The following MACROH2A1 variants were observed in gnomAD, a reference collection of about 807,000 sequenced individuals.
MACROH2A1 encodes the protein macroH2A.1 histone.
In MACROH2A1, 2 loss-of-function variants were observed where a neutral mutation model predicts 31.6. The ratio of observed to expected loss-of-function variants is 0.06; its 90% CI spans 0.03 to 0.20. The LOEUF (loss-of-function observed/expected upper bound fraction) is 0.20. Among genes scored for constraint, MACROH2A1 ranks in the 10% least tolerant of loss-of-function variants. MACROH2A1 has a pLI of 1.00. For missense variants in MACROH2A1, 230 were observed against 474.0 expected (o/e 0.49, Z 4.78); for synonymous variants, 169 against 189.6 (o/e 0.89, Z 0.89).
rs546120797 is a variant in MACROH2A1 at position 135,380,707 on chromosome 5, T to C, written c.172+8215A>G. 2.0e-5 allele frequency among the ~76,000 whole-genome samples: 3 copies of C among 152,312 alleles called. No homozygotes were observed. The East Asian group carries it at 5.8e-4, about 29-fold the overall frequency. ...CCCAAGATCTTGGCCCAAATATAAA[T>C]AAGACAGCCTCTGCATACTACATGT... is the stretch of plus-strand genomic sequence containing the variant. On this transcript the variant is annotated intron_variant, in intron 2 of 8. Transcript: ENST00000511689.
chr5:135,354,659 A>G (rs1761957913), intron 5 of MACROH2A1: 1 of 214,822 alleles, frequency 4.7e-6, no homozygotes, highest in Non-Finnish European at 9.4e-6. Flanking sequence ...AAGAGACAGC[A>G]TGGGGGCTGG....
intron 7 of MACROH2A1, chr5:135,344,235 G>A (rs1299068602): frequency 2.0e-5 from 3 of 152,250 alleles, no homozygotes; most frequent in African/African-American, 7.2e-5. Context: ...CCTGTCCACA[G>A]ATGCTCTGCA....
intron 1 of MACROH2A1, among the ~76,000 whole-genome samples, chr5:135,393,734 C>T (rs1372993804): frequency 2.6e-5 from 4 of 152,198 alleles, no homozygotes; most frequent in Non-Finnish European, 5.9e-5. Context: ...CATCATTGCA[C>T]ATTAGCTTGA....
At chr5:135,357,847 T>C in intron 5 of MACROH2A1, 1 of 985,232 alleles carries the variant, frequency 1.0e-6, no homozygotes, top group South Asian at 4.7e-5. Context: ...ATCATTAACA[T>C]CAATGGTCAG....
At position 135,389,114 on chromosome 5, in the gene MACROH2A1, A is replaced by G. The variant is rs749939179; in HGVS notation, c.-21T>C. The G allele has an allele frequency of 2.5e-6, 4 of 1,608,946 alleles. No individual in the cohort carries two copies. Among genetic ancestry groups the G allele is most frequent in the African/African-American group, 2.7e-5 (2 of 74,992 alleles). ...GACATGGCGGTGGCCCTGGAGGCGG[A>G]TCAGTGAGCACACTGTGAAGGCGAG... On this transcript the variant is annotated 5_prime_UTR_variant, in exon 2 of 9. Coordinates refer to ENST00000511689, the MANE Select transcript of MACROH2A1 (RefSeq NM_138610.3).
chr5:135,345,308 G>A (rs1162420371), intron 7 of MACROH2A1: 3 of 152,188 alleles, frequency 2.0e-5, no homozygotes, highest in Non-Finnish European at 4.4e-5. Context: ...GAATCGGGTA[G>A]TAAGAAGAGA....
intron 5 of MACROH2A1, chr5:135,357,643 G>T (rs1423048617): frequency 8.0e-6 from 5 of 626,106 alleles, no homozygotes; most frequent in African/African-American, 7.9e-5. Context: ...CATTAGAAAT[G>T]TTTTTTCTGA....
At chr5:135,374,367 G>A (rs928662671) in intron 2 of MACROH2A1, among the ~76,000 whole-genome samples, 4 of 152,166 alleles carry the variant, frequency 2.6e-5, no homozygotes, top group Admixed American at 6.5e-5. Flanking sequence ...CAGGGCACAC[G>A]TCACCAAAGG....
intron 6 of MACROH2A1, among the ~76,000 whole-genome samples, chr5:135,349,129 C>T (rs2149761647): frequency 6.6e-6 from 1 of 152,304 alleles, no homozygotes; most frequent in South Asian, 2.1e-4. Flanking sequence ...CTGCAGCAGG[C>T]AGGCCAACTT....
chr5:135,385,772 C>G (rs1361303550), intron 2 of MACROH2A1, among the ~76,000 whole-genome samples: 1 of 152,206 alleles, frequency 6.6e-6, no homozygotes, highest in Non-Finnish European at 1.5e-5. Flanking sequence ...CATCTCCAAG[C>G]CCCCAAGCAG....
intron 2 of MACROH2A1, among the ~76,000 whole-genome samples, chr5:135,383,391 G>T (rs1482629529): frequency 4.6e-5 from 7 of 152,136 alleles, no homozygotes; most frequent in Non-Finnish European, 7.4e-5. Context: ...ATACACAAAA[G>T]GCATTAAGTG....
At chr5:135,386,892 C>G (rs1019154781) in intron 2 of MACROH2A1, among the ~76,000 whole-genome samples, 1 of 152,176 alleles carries the variant, frequency 6.6e-6, no homozygotes, top group Non-Finnish European at 1.5e-5. Context: ...GTGAACACCC[C>G]AGGAATGGGC....
Position 135,355,146 on chromosome 5 carries a change from T to G in MACROH2A1, c.589-2101A>C, listed in dbSNP as rs762342693. The G allele has an allele frequency of 5.3e-5, 24 of 456,104 alleles. 1 individual carries two copies. Among genetic ancestry groups the G allele is most frequent in the South Asian group, 3.7e-4 (24 of 64,570 alleles). The allele number at this position is 456,104 out of a possible 1,614,324, so 28.3% of individuals were successfully genotyped here. A position where few individuals can be genotyped will look rare whatever the true frequency, so the allele number is the denominator to read the frequency against. On this transcript the variant is annotated intron_variant, in intron 5 of 8. Coordinates refer to ENST00000511689, the MANE Select transcript of MACROH2A1 (RefSeq NM_138610.3). ...CCAGGAAGACCCCCTCAGTGGCCTG[T>G]ATCTGACTCTCTTCGCGGGAGAACC...
chr5:135,358,101 A>AAC (rs1317258984), intron 5 of MACROH2A1: 1 of 984,540 alleles, frequency 1.0e-6, no homozygotes, highest in Non-Finnish European at 1.2e-6. Flanking sequence ...AATATTTTAA[A>AAC]TGTGCTTTTT....
At chr5:135,380,329 C>G (rs1302278403) in intron 2 of MACROH2A1, among the ~76,000 whole-genome samples, 1 of 152,188 alleles carries the variant, frequency 6.6e-6, no homozygotes, top group East Asian at 1.9e-4. Flanking sequence ...AACCGTGATT[C>G]TTTTGACCCC....
At chr5:135,388,891 G>C (rs17168241) in intron 2 of MACROH2A1, 31 bp downstream of exon 2, 17,664 of 1,543,530 alleles carry the variant, frequency 0.011, 437 homozygotes, top group Admixed American at 0.099. Context: ...TCTTAAGCCA[G>C]TGGTGTCTGG....
chr5:135,383,713 G>GTGTGTGTT (rs1766000545), intron 2 of MACROH2A1, among the ~76,000 whole-genome samples: 1 of 126,878 alleles, frequency 7.9e-6, no homozygotes, highest in Non-Finnish European at 1.6e-5. Flanking sequence ...GTGTGTGTGT[G>GTGTGTGTT]TGTGTGTGTG....
chr5:135,370,433 C>A (rs943094413), intron 2 of MACROH2A1, among the ~76,000 whole-genome samples: 2 of 152,186 alleles, frequency 1.3e-5, no homozygotes, highest in East Asian at 3.8e-4. Flanking sequence ...GAGATCTGAA[C>A]CCAGTTCCAG....
At chr5:135,379,631 A>G (rs1248546295) in intron 2 of MACROH2A1, among the ~76,000 whole-genome samples, 2 of 152,146 alleles carry the variant, frequency 1.3e-5, no homozygotes, top group African/African-American at 4.8e-5. Context: ...AGGCAGGAGA[A>G]AGCAAGCAGA....
Sources: gnomAD v4.1 joint callset for allele counts (sites outside exome capture counted in the v4.1 genomes callset) on GRCh38, gnomAD v4.1.1 for gene constraint, MANE v1.5 for transcripts, NCBI Gene and HGNC (gene_info 2026-07-23, HGNC 2026-07-21) for gene names.